UBE2E2: variants seen among roughly 807,000 people sequenced by gnomAD.
UBE2E2 encodes the protein ubiquitin-conjugating enzyme E2 E2.
In UBE2E2, 6 loss-of-function variants were observed where a neutral mutation model predicts 24.7. The ratio of observed to expected loss-of-function variants is 0.24; its 90% CI spans 0.13 to 0.48. The LOEUF is 0.48. Among genes scored for constraint, UBE2E2 ranks in the 20% least tolerant of loss-of-function variants. The pLI is 0.99. For missense variants in UBE2E2, 169 were observed against 245.0 expected (o/e 0.69, Z 2.07); for synonymous variants, 104 against 83.6 (o/e 1.24, Z -1.33).
chr3:23,272,162 C>T (rs997648994), intron 3 of UBE2E2, among the ~76,000 whole-genome samples: 3 of 152,168 alleles, frequency 2.0e-5, no homozygotes, highest in African/African-American at 7.2e-5. Flanking sequence ...GTCCCGAGCC[C>T]TGCCCCGCGG....
chr3:23,359,233 A>T (rs1274598450), intron 3 of UBE2E2, among the ~76,000 whole-genome samples: 2 of 152,066 alleles, frequency 1.3e-5, no homozygotes, highest in Non-Finnish European at 2.9e-5. Context: ...TGATGTTGCT[A>T]AGGGGAATGG....
At chr3:23,567,767 A>G (rs1696111507) in intron 5 of UBE2E2, among the ~76,000 whole-genome samples, 1 of 152,206 alleles carries the variant, frequency 6.6e-6, no homozygotes, top group African/African-American at 2.4e-5. Flanking sequence ...TGAACTGTAC[A>G]TGAATCCATA....
chr3:23,508,711 T>A (rs1284662009), intron 4 of UBE2E2, among the ~76,000 whole-genome samples: 1 of 152,076 alleles, frequency 6.6e-6, no homozygotes, highest in Non-Finnish European at 1.5e-5. Context: ...TGCCCTGGAG[T>A]TCCTATCTCT....
chr3:23,355,942 C>T lies in UBE2E2; in HGVS notation c.227+138630C>T, dbSNP rs59588718. Among the ~76,000 whole-genome samples, 829 of 152,312 alleles carry T rather than the reference C, an allele frequency of 5.4e-3. 10 individuals carry two copies. The highest frequency in any genetic ancestry group is 0.018 in the African/African-American group (749 of 41,574). On this transcript the variant is annotated intron_variant, in intron 3 of 5. Coordinates refer to ENST00000396703, the MANE Select transcript of UBE2E2 (RefSeq NM_152653.4). ...AAGACTTTCTGAATTTTGTTAGATC[C>T]TGCCATTTCTTGTTTTACACAGGAG...
chr3:23,284,724 A>G (rs1033549889), intron 3 of UBE2E2, among the ~76,000 whole-genome samples: 1 of 151,688 alleles, frequency 6.6e-6, no homozygotes. Context: ...ATATATATAT[A>G]TTTAGGAATA....
chr3:23,289,460 T>C (rs1465233283), intron 3 of UBE2E2, among the ~76,000 whole-genome samples: 1 of 152,196 alleles, frequency 6.6e-6, no homozygotes, highest in Non-Finnish European at 1.5e-5. Context: ...GAGAAAACTT[T>C]TCTAAGCAAA....
chr3:23,259,291 A>G (rs1202162600), intron 3 of UBE2E2, among the ~76,000 whole-genome samples: 1 of 152,130 alleles, frequency 6.6e-6, no homozygotes, highest in Non-Finnish European at 1.5e-5. Context: ...AGTTATCCCA[A>G]GTGTAGCTGT....
chr3:23,479,701 A>G (rs151015721), intron 3 of UBE2E2, among the ~76,000 whole-genome samples: 11 of 152,332 alleles, frequency 7.2e-5, no homozygotes, highest in African/African-American at 1.7e-4. Context: ...AATGGCTCTC[A>G]GGAGACCTGA....
At chr3:23,318,603 CAGG>C (rs1694649196) in intron 3 of UBE2E2, among the ~76,000 whole-genome samples, 2 of 151,936 alleles carry the variant, frequency 1.3e-5, no homozygotes, top group Non-Finnish European at 2.9e-5. Context: ...TATGTGGTGG[CAGG>C]CATGAGAGAA....
rs187771817 is a variant in UBE2E2, at chr3:23,441,380, A to C, written c.228-58228A>C. On this transcript the variant is annotated intron_variant, in intron 3 of 5. Transcript: ENST00000396703. ...TCTACTAAAAATCCAAAAAAAAAAA[A>C]AAAAAAAAATTAGCTGGGCATGGTG... Among the ~76,000 whole-genome samples, 1,358 of 150,972 alleles carry C rather than the reference A, an allele frequency of 9.0e-3. 14 individuals carry two copies. Among genetic ancestry groups the C allele is most frequent in the Middle Eastern group, 0.017 (5 of 294 alleles).
intron 4 of UBE2E2, among the ~76,000 whole-genome samples, chr3:23,513,692 T>C (rs931065258): frequency 1.3e-5 from 2 of 152,208 alleles, no homozygotes; most frequent in Non-Finnish European, 2.9e-5. Context: ...CACCTGCCTC[T>C]TTTCCTACAT....
At chr3:23,322,691 A>G (rs184411600) in intron 3 of UBE2E2, among the ~76,000 whole-genome samples, 1 of 152,226 alleles carries the variant, frequency 6.6e-6, no homozygotes, top group East Asian at 1.9e-4. Flanking sequence ...CGTAAGCTTT[A>G]CAGTCTAAGG....
At chr3:23,369,437 T>C (rs1250715149) in intron 3 of UBE2E2, among the ~76,000 whole-genome samples, 1 of 152,196 alleles carries the variant, frequency 6.6e-6, no homozygotes, top group African/African-American at 2.4e-5. Context: ...TATTCTCTCC[T>C]AAGACAAATA....
intron 3 of UBE2E2, among the ~76,000 whole-genome samples, chr3:23,262,080 C>T (rs1697916586): frequency 6.6e-6 from 1 of 152,176 alleles, no homozygotes; most frequent in South Asian, 2.1e-4. Context: ...AGTTTACATT[C>T]CCCACAAGAA....
intron 3 of UBE2E2, among the ~76,000 whole-genome samples, chr3:23,493,700 T>C (rs922493210): frequency 6.6e-6 from 1 of 152,196 alleles, no homozygotes; most frequent in South Asian, 2.1e-4. Flanking sequence ...CAGCAGTGGA[T>C]ATACATGATT....
chr3:23,310,616 G>A (rs4858497), intron 3 of UBE2E2, among the ~76,000 whole-genome samples: 42,545 of 152,018 alleles, frequency 0.28, 7,425 homozygotes, highest in Admixed American at 0.47. Context: ...GGGCATTATG[G>A]CTTCTACCTG....
intron 5 of UBE2E2, among the ~76,000 whole-genome samples, chr3:23,561,627 A>C (rs1187356077): frequency 6.6e-6 from 1 of 151,404 alleles, no homozygotes; most frequent in African/African-American, 2.4e-5. Context: ...TGGTAGCTTG[A>C]TGGGGATGGC....
intron 3 of UBE2E2, among the ~76,000 whole-genome samples, chr3:23,344,742 T>C (rs1311473170): frequency 6.6e-6 from 1 of 151,680 alleles, no homozygotes; most frequent in Non-Finnish European, 1.5e-5. Context: ...TGAGGTGGTG[T>C]GTGCTTGTAG....
At chr3:23,209,727 T>TA (rs1696265439) in intron 2 of UBE2E2, among the ~76,000 whole-genome samples, 1 of 152,144 alleles carries the variant, frequency 6.6e-6, no homozygotes, top group Non-Finnish European at 1.5e-5. Context: ...TTCTCAAAGA[T>TA]AAAAAACCAT....
Sources: allele counts gnomAD v4.1 joint callset (sites outside exome capture counted in the v4.1 genomes callset), GRCh38; gene constraint gnomAD v4.1.1; transcripts MANE v1.5; gene names NCBI Gene and HGNC (gene_info 2026-07-23, HGNC 2026-07-21).